XPO1: variants seen among roughly 807,000 people sequenced by gnomAD.
XPO1 encodes the protein exportin-1.
In XPO1, 5 loss-of-function variants were observed where a neutral mutation model predicts 133.3. That is an observed-to-expected ratio of 0.04 (90% CI 0.02 to 0.08). XPO1 has a LOEUF of 0.08. XPO1 is among the 10% of genes least tolerant of loss of function. The probability of loss-of-function intolerance (pLI) is 1.00; values close to 1 mark genes in which losing one functional copy is unlikely to be tolerated. For missense variants in XPO1, 506 were observed against 1,267.5 expected (o/e 0.40, Z 9.12); for synonymous variants, 419 against 408.2 (o/e 1.03, Z -0.32).
intron 6 of XPO1, among the ~76,000 whole-genome samples, chr2:61,501,557 A>C (rs527505035): frequency 5.9e-5 from 9 of 152,088 alleles, no homozygotes; most frequent in South Asian, 2.1e-4. Flanking sequence ...CCCTGTCTCT[A>C]CTAAAAATAC....
rs762060286 is a variant in XPO1 at position 61,492,268 on chromosome 2, T to C, written c.1723+57A>G. On this transcript the variant is annotated intron_variant, in intron 15 of 24. Transcript: ENST00000401558. The surrounding 1 kb of genome is among the most constrained non-coding windows in gnomAD (Gnocchi z 5.6). ...ATGGGTCTCTAACAAGACAAAAACATTCATTTATTTTCTTCAATAAAAATA... is the reference window on the plus strand; with the variant it reads ...ATGGGTCTCTAACAAGACAAAAACACTCATTTATTTTCTTCAATAAAAATA... 4.2e-5 allele frequency: 66 copies of C among 1,583,062 alleles called. No individual in the cohort carries two copies. Among genetic ancestry groups the C allele is most frequent in the Non-Finnish European group, 5.6e-5 (65 of 1,170,494 alleles).
chr2:61,490,254 A>G (rs1318097628), intron 17 of XPO1, among the ~76,000 whole-genome samples: 2 of 148,968 alleles, frequency 1.3e-5, no homozygotes, highest in Non-Finnish European at 3.0e-5. Flanking sequence ...GCTAGAGAAC[A>G]GTAGCTCAAT....
intron 19 of XPO1, among the ~76,000 whole-genome samples, chr2:61,487,649 C>T (rs1011779498): frequency 1.3e-5 from 2 of 152,028 alleles, no homozygotes; most frequent in African/African-American, 4.8e-5. Context: ...ACAGTTAAAA[C>T]CTAAAACTAA....
chr2:61,515,670 C>T (rs1698338166), intron 4 of XPO1, among the ~76,000 whole-genome samples: 1 of 152,046 alleles, frequency 6.6e-6, no homozygotes, highest in Non-Finnish European at 1.5e-5. Flanking sequence ...AATAAATATA[C>T]CACGTGTCTC....
intron 2 of XPO1, 65 bp downstream of exon 2, chr2:61,533,707 T>C: frequency 1.5e-6 from 2 of 1,362,062 alleles, no homozygotes; most frequent in South Asian, 4.3e-5. Flanking sequence ...TTTAAAATTT[T>C]ATTCTAAACC....
chr2:61,535,821 C>CCTTAAGATCTAAA (rs545240510), intron 1 of XPO1, among the ~76,000 whole-genome samples: 136 of 152,220 alleles, frequency 8.9e-4, no homozygotes, highest in African/African-American at 3.1e-3. Flanking sequence ...GATCTAAATA[C>CCTTAAGATCTAAA]TGAGAGGAAA....
At chr2:61,481,353 G>A in intron 23 of XPO1, 72 bp from the exon 24 acceptor site, 1 of 1,178,894 alleles carries the variant, frequency 8.5e-7, no homozygotes, top group South Asian at 1.5e-5. Flanking sequence ...TCTGTCACCA[G>A]GCTGGAGTAC....
chr2:61,481,564 A>G (rs536959153), intron 23 of XPO1, among the ~76,000 whole-genome samples: 2 of 152,230 alleles, frequency 1.3e-5, no homozygotes, highest in African/African-American at 2.4e-5. Flanking sequence ...CTCCTGCCTC[A>G]GCCTCCCAAG....
intron 19 of XPO1, among the ~76,000 whole-genome samples, chr2:61,487,585 T>G (rs551274089): frequency 6.6e-5 from 10 of 151,678 alleles, no homozygotes; most frequent in African/African-American, 1.7e-4. Flanking sequence ...AATAGTAGTA[T>G]TAGAATTTTT....
At chr2:61,502,130 C>T in intron 5 of XPO1, 90 bp from the exon 6 acceptor site, 3 of 1,497,436 alleles carry the variant, frequency 2.0e-6, no homozygotes, top group East Asian at 4.5e-5. Context: ...TACAGCTCTA[C>T]TGTAAATGAC....
In XPO1 at chr2:61,537,778, C is replaced by CACACACACACCCACACACAA. The variant is rs1699419241; in HGVS notation, c.-224_-223insTTGTGTGTGGGTGTGTGTGT. ...ACACACACACACACACACACACACACACACACCCGCCCCCCCCCAAAAGGG... is the reference window on the plus strand; with the variant it reads ...ACACACACACACACACACACACACACACACACACACCCACACACAAACACACCCGCCCCCCCCCAAAAGGG... On this transcript the variant is annotated 5_prime_UTR_variant, in exon 1 of 25. Transcript: ENST00000401558. 6.5e-6 allele frequency: 1 copy of CACACACACACCCACACACAA among 154,890 alleles called. No individual in the cohort carries two copies. The highest frequency in any genetic ancestry group is 2.4e-5 in the African/African-American group (1 of 41,224). 9.6% of individuals were successfully genotyped at this position (154,890 alleles called of 1,614,324 possible).
At chr2:61,512,730 A>C (rs1397136547) in intron 4 of XPO1, among the ~76,000 whole-genome samples, 1 of 152,208 alleles carries the variant, frequency 6.6e-6, no homozygotes, top group Non-Finnish European at 1.5e-5. Flanking sequence ...AAAACCAACA[A>C]TAGCCAAACC....
intron 4 of XPO1, among the ~76,000 whole-genome samples, chr2:61,515,939 A>C (rs1445793941): frequency 2.1e-5 from 1 of 47,862 alleles, no homozygotes; most frequent in Non-Finnish European, 5.4e-5. Context: ...AAAAAAAACC[A>C]CACACACACA....
chr2:61,501,946 C>T, intron 6 of XPO1, 50 bp downstream of exon 6: 1 of 1,475,492 alleles, frequency 6.8e-7, no homozygotes. Flanking sequence ...ACATTTTGTT[C>T]AAATAATAAG....
rs1696186349 is a variant in XPO1, at chr2:61,478,844, C to G, written c.3192G>C (p.Glu1064Asp). The stretch of plus-strand genomic sequence containing the variant: ...TTTAATCACACATTTCTTCTGGAAT[C>G]TCATGTGGATTAAAGATGCCAGGGA... ...MSVPGIFNPH[E>D]IPEEMCD Residue 1064 changes from glutamate to aspartate, a missense_variant, in exon 25 of 25, where the codon GAG (glutamate) becomes GAC (aspartate). This residue lies in a region of XPO1 where 203 missense variants were observed against 365.9 expected (regional missense o/e 0.55). Coordinates refer to ENST00000401558, the MANE Select transcript of XPO1 (RefSeq NM_003400.4). 1 of 1,613,732 alleles carries G rather than the reference C, an allele frequency of 6.2e-7. No individual in the cohort carries two copies. Among genetic ancestry groups the G allele is most frequent in the Non-Finnish European group, 8.5e-7 (1 of 1,179,958 alleles).
At chr2:61,484,348 A>G in intron 20 of XPO1, 1 of 422,114 alleles carries the variant, frequency 2.4e-6, no homozygotes, top group Non-Finnish European at 4.2e-6. Flanking sequence ...TTAATAGAGA[A>G]CTCATCTAAA....
chr2:61,479,832 G>A (rs192476027), intron 24 of XPO1, among the ~76,000 whole-genome samples: 4 of 152,244 alleles, frequency 2.6e-5, no homozygotes, highest in East Asian at 1.9e-4. Context: ...CAAAGTGCTA[G>A]GATTACAGGC....
chr2:61,520,662 G>C (rs941414679), intron 4 of XPO1, among the ~76,000 whole-genome samples: 2 of 152,010 alleles, frequency 1.3e-5, no homozygotes, highest in African/African-American at 2.4e-5. Flanking sequence ...AAGAAAGAAA[G>C]AAACAAAAAT....
Position 61,526,539 on chromosome 2 carries a change from A to C in XPO1, c.127-18T>G. On this transcript the variant is annotated intron_variant, in intron 2 of 24. Transcript: ENST00000401558. ...ATTCTTTGCTAAAATATTATTAAAA[A>C]AAACAAAACTTAAGCTAATGTATTC... 1 of 1,540,376 alleles carries C rather than the reference A, an allele frequency of 6.5e-7. No individual in the cohort carries two copies. Among genetic ancestry groups the C allele is most frequent in the Non-Finnish European group, 8.7e-7 (1 of 1,150,582 alleles).
Sources: allele counts gnomAD v4.1 joint callset (sites outside exome capture counted in the v4.1 genomes callset), GRCh38; gene constraint gnomAD v4.1.1; regional missense constraint gnomAD v4.1.1; non-coding constraint Gnocchi (gnomAD v3.1); transcripts MANE v1.5; gene names NCBI Gene and HGNC (gene_info 2026-07-23, HGNC 2026-07-21).